The following GRAMD4 variants were observed in gnomAD, a reference collection of about 807,000 sequenced individuals.
GRAMD4 encodes GRAM domain-containing protein 4.
A neutral mutation model predicts 83.9 loss-of-function variants in GRAMD4; 25 were observed. The ratio of observed to expected loss-of-function variants is 0.30; its 90% CI spans 0.22 to 0.42. The LOEUF (loss-of-function observed/expected upper bound fraction) is 0.42, where lower values mean the gene tolerates loss of function less well. Ranked by LOEUF, GRAMD4 falls within the 10% of genes least tolerant of loss-of-function variation. The pLI is 1.00. For missense variants in GRAMD4, 593 were observed against 788.7 expected (o/e 0.75, Z 2.97); for synonymous variants, 336 against 320.9 (o/e 1.05, Z -0.50).
chr22:46,633,354 C>T (rs538180923), intron 2 of GRAMD4, among the ~76,000 whole-genome samples: 64 of 152,370 alleles, frequency 4.2e-4, no homozygotes, highest in African/African-American at 1.4e-3. Context: ...TAAAGTGTGG[C>T]TCCCTCTCCT....
chr22:46,637,707 A>G (rs2081911798), intron 2 of GRAMD4, 133 bp from the exon 3 acceptor site: 2 of 872,290 alleles, frequency 2.3e-6, no homozygotes, highest in Non-Finnish European at 3.5e-6. Flanking sequence ...ATGTCCAGAA[A>G]CTGCAGCTGC....
Position 46,663,793 on chromosome 22 carries a change from C to T in GRAMD4, c.600-45C>T, listed in dbSNP as rs768753292. The T allele has an allele frequency of 1.9e-5, 31 of 1,602,500 alleles. No homozygotes were observed. The East Asian group carries it at 5.4e-4, about 28-fold the overall frequency. ...CGGGCAGTGGGGACTGCAGAGCCGGCGGGTGCATTAACCCTGGGCTCCCAT... is the reference window on the plus strand; with the variant it reads ...CGGGCAGTGGGGACTGCAGAGCCGGTGGGTGCATTAACCCTGGGCTCCCAT... On this transcript the variant is annotated intron_variant, in intron 6 of 18. Transcript: ENST00000406902.
chr22:46,593,672 T>C (rs1415478300), intron 1 of GRAMD4, among the ~76,000 whole-genome samples: 1 of 152,118 alleles, frequency 6.6e-6, no homozygotes, highest in African/African-American at 2.4e-5. Context: ...TGGCCTGGGG[T>C]CTGTGCTGCT....
At chr22:46,594,184 C>A (rs976496443) in intron 1 of GRAMD4, among the ~76,000 whole-genome samples, 1 of 151,764 alleles carries the variant, frequency 6.6e-6, no homozygotes, top group Non-Finnish European at 1.5e-5. Context: ...ACGCCCGGCT[C>A]CTGCCCCAGC....
intron 11 of GRAMD4, 50 bp from the exon 12 acceptor site, chr22:46,668,639 G>T (rs766464850): frequency 7.0e-6 from 11 of 1,567,014 alleles, no homozygotes; most frequent in Admixed American, 1.7e-5. Flanking sequence ...CGGTGTGACT[G>T]ACAGCCCAGG....
intron 3 of GRAMD4, among the ~76,000 whole-genome samples, chr22:46,648,137 G>A (rs1299357784): frequency 1.3e-5 from 2 of 152,118 alleles, no homozygotes; most frequent in Admixed American, 6.6e-5. Flanking sequence ...TGGGTAGATG[G>A]ATGCATTGCT....
chr22:46,670,534 C>T (rs2082486313), intron 13 of GRAMD4, among the ~76,000 whole-genome samples: 1 of 152,214 alleles, frequency 6.6e-6, no homozygotes, highest in South Asian at 2.1e-4. Flanking sequence ...CCCTGGACAG[C>T]TCCGGGGCAG....
At chr22:46,649,702 C>T (rs2082136610) in intron 3 of GRAMD4, among the ~76,000 whole-genome samples, 2 of 152,200 alleles carry the variant, frequency 1.3e-5, no homozygotes, top group African/African-American at 2.4e-5. Flanking sequence ...GACAGTTGAT[C>T]GTTCAGTAAA....
At chr22:46,673,294 A>G (rs1313324198) in intron 14 of GRAMD4, among the ~76,000 whole-genome samples, 1 of 152,192 alleles carries the variant, frequency 6.6e-6, no homozygotes, top group Non-Finnish European at 1.5e-5. Context: ...CCTGACAGTG[A>G]GGCTCTGGCG....
intron 1 of GRAMD4, among the ~76,000 whole-genome samples, chr22:46,586,486 C>T (rs1296151854): frequency 6.6e-6 from 1 of 152,130 alleles, no homozygotes; most frequent in Non-Finnish European, 1.5e-5. Context: ...GCTCTAGGCC[C>T]CAGACTGGGG....
chr22:46,625,316 T>C (rs541550024), intron 1 of GRAMD4, among the ~76,000 whole-genome samples: 32 of 152,260 alleles, frequency 2.1e-4, no homozygotes, highest in African/African-American at 7.5e-4. Flanking sequence ...TGTTAATGAG[T>C]CTTCTTGCCA....
chr22:46,596,144 G>A lies in GRAMD4; in HGVS notation c.-50+18854G>A, dbSNP rs141205715. Among the ~76,000 whole-genome samples, 711 of 152,354 alleles carry A rather than the reference G, an allele frequency of 4.7e-3. 9 individuals carry two copies. The highest frequency in any genetic ancestry group is 0.02 in the Admixed American group (309 of 15,306). ...ACGGGAGGTCAGAGGGCTGCCTGGC[G>A]CAGTTTCTCTGCTGCCTGGATTGAC... On this transcript the variant is annotated intron_variant, in intron 1 of 1. Transcript: ENST00000431155.
At position 46,674,916 on chromosome 22, in the gene GRAMD4, GT is replaced by G. The variant is rs2082572044; in HGVS notation, c.1478+168del. On this transcript the variant is annotated intron_variant, in intron 16 of 18. Transcript: ENST00000406902. ...CTGTCTGGGCTCCCAGGGAAAAGGT[GT>G]TGTCTCCAAGCCGGACGTGGCCTGG... Among the ~76,000 whole-genome samples, 6 of 152,358 alleles carry G rather than the reference GT, an allele frequency of 3.9e-5. No individual in the cohort carries two copies. In the South Asian group the frequency reaches 1.2e-3, roughly 32 times the overall value.
intron 3 of GRAMD4, among the ~76,000 whole-genome samples, chr22:46,656,418 G>A (rs1485319621): frequency 2.0e-5 from 3 of 152,198 alleles, no homozygotes; most frequent in Admixed American, 6.5e-5. Context: ...TAGTCCACCC[G>A]CGGCTGCTCC....
Position 46,659,221 on chromosome 22 carries a change from C to T in GRAMD4, c.404+914C>T, listed in dbSNP as rs1477565874. Among the ~76,000 whole-genome samples, 1 of 151,892 alleles carries T rather than the reference C, an allele frequency of 6.6e-6. No homozygotes were observed. The highest frequency in any genetic ancestry group is 2.4e-5 in the African/African-American group (1 of 41,338). On this transcript the variant is annotated intron_variant, in intron 4 of 18. Coordinates refer to ENST00000406902, the MANE Select transcript of GRAMD4 (RefSeq NM_015124.5). This position sits in a 1 kb window ranked among gnomAD's most constrained non-coding sequence, Gnocchi z 4.1. The stretch of plus-strand genomic sequence containing the variant: ...CCAGCAGCCTCCTGCTTCGGCCTCC[C>T]TCTCAGCCTCCACTCCCTCAGCCTC...
At chr22:46,668,212 G>A in intron 11 of GRAMD4, 45 bp downstream of exon 11, 1 of 1,388,792 alleles carries the variant, frequency 7.2e-7, no homozygotes, top group Non-Finnish European at 1.0e-6. Context: ...CGCCAGCCAT[G>A]GGCACCAGCC....
At chr22:46,613,896 C>G (rs1039746340) in intron 1 of GRAMD4, among the ~76,000 whole-genome samples, 27 of 152,138 alleles carry the variant, frequency 1.8e-4, no homozygotes, top group African/African-American at 6.0e-4. Context: ...GCATCTGTCT[C>G]AAGCCTGCTG....
chr22:46,667,027 C>T (rs1242619035), intron 10 of GRAMD4, among the ~76,000 whole-genome samples, 154 bp downstream of exon 10: 1 of 152,192 alleles, frequency 6.6e-6, no homozygotes, highest in Non-Finnish European at 1.5e-5. Flanking sequence ...GAGGAGGAGG[C>T]CAGCCCCTCC....
chr22:46,617,607 C>T (rs1234956065), upstream of GRAMD4, among the ~76,000 whole-genome samples: 3 of 152,140 alleles, frequency 2.0e-5, no homozygotes, highest in Non-Finnish European at 2.9e-5. Context: ...TGGGCAGGAT[C>T]CCAGCACACA....
Sources: gnomAD v4.1 joint callset for allele counts (sites outside exome capture counted in the v4.1 genomes callset) on GRCh38, gnomAD v4.1.1 for gene constraint, Gnocchi (gnomAD v3.1) non-coding constraint, MANE v1.5 for transcripts, NCBI Gene and HGNC (gene_info 2026-07-23, HGNC 2026-07-21) for gene names.